Variants in XKR4 observed in about 807,000 individuals in gnomAD.
XKR4 encodes XK related 4.
A neutral mutation model predicts 53.9 loss-of-function variants in XKR4; 12 were observed. That is an observed-to-expected ratio of 0.22 (90% CI 0.14 to 0.36). The LOEUF (loss-of-function observed/expected upper bound fraction) is 0.36. Among genes scored for constraint, XKR4 ranks in the 10% least tolerant of loss-of-function variants. XKR4 has a pLI of 1.00. For synonymous variants in XKR4, 354 were observed against 362.4 expected (o/e 0.98, Z 0.26); for missense variants, 799 against 859.5 (o/e 0.93, Z 0.88).
intron 2 of XKR4, among the ~76,000 whole-genome samples, chr8:55,440,716 A>T (rs1805251875): frequency 6.6e-6 from 1 of 152,224 alleles, no homozygotes; most frequent in Non-Finnish European, 1.5e-5. Context: ...GTAGAGATAG[A>T]TATAAATATA....
chr8:55,289,128 G>T (rs1171314283), intron 1 of XKR4, among the ~76,000 whole-genome samples: 1 of 152,130 alleles, frequency 6.6e-6, no homozygotes, highest in East Asian at 1.9e-4. Flanking sequence ...AAACATTTAT[G>T]TATATTAGTA....
At chr8:55,304,173 T>A (rs564165342) in intron 1 of XKR4, among the ~76,000 whole-genome samples, 42 of 152,336 alleles carry the variant, frequency 2.8e-4, no homozygotes, top group African/African-American at 9.6e-4. Context: ...GCTTTGAATG[T>A]GTCCCAGAGA....
chr8:55,107,725 A>T (rs1816169421), intron 1 of XKR4, among the ~76,000 whole-genome samples: 1 of 152,162 alleles, frequency 6.6e-6, no homozygotes, highest in African/African-American at 2.4e-5. Flanking sequence ...ACTAAGGAGG[A>T]TATAGGTTAC....
intron 1 of XKR4, among the ~76,000 whole-genome samples, chr8:55,210,923 C>T (rs1817721818): frequency 6.6e-6 from 1 of 152,196 alleles, no homozygotes; most frequent in African/African-American, 2.4e-5. Context: ...TTACTCCATG[C>T]TACTTTGTTC....
chr8:55,408,567 C>T (rs1350322907), intron 2 of XKR4, among the ~76,000 whole-genome samples: 1 of 152,170 alleles, frequency 6.6e-6, no homozygotes, highest in Non-Finnish European at 1.5e-5. Context: ...AAGTCCAGAG[C>T]GTCAGGCAGA....
chr8:55,103,262 C>T lies in XKR4; in HGVS notation c.774C>T (p.Leu258=), dbSNP rs762545800. 5 of 1,611,220 alleles carry T rather than the reference C, an allele frequency of 3.1e-6. No individual in the cohort carries two copies. The highest frequency in any genetic ancestry group is 4.2e-6 in the Non-Finnish European group (5 of 1,177,912). The change falls in exon 1 of 3, where the codon CTC becomes CTT. Residue 258 remains leucine (L), a synonymous_variant. Transcript: ENST00000327381. The part of the protein sequence containing the change: ...CSFCIWLLQS[L]IHILQLGQIW... ...TCTGCATCTGGCTCCTGCAGTCACT[C>T]ATCCACATCTTGCAGCTCGGGCAAA... is the stretch of plus-strand genomic sequence containing the variant.
intron 2 of XKR4, among the ~76,000 whole-genome samples, chr8:55,378,816 C>T (rs1804188779): frequency 6.6e-6 from 1 of 152,202 alleles, no homozygotes; most frequent in Non-Finnish European, 1.5e-5. Context: ...ACTCAGTTTT[C>T]TCATCATCTA....
intron 1 of XKR4, among the ~76,000 whole-genome samples, chr8:55,263,654 C>A (rs1213597658): frequency 6.6e-6 from 1 of 152,198 alleles, no homozygotes; most frequent in East Asian, 1.9e-4. Flanking sequence ...CTAGTCCTTA[C>A]TGTATTCCAA....
chr8:55,104,728 C>T (rs1477489920), intron 1 of XKR4, among the ~76,000 whole-genome samples: 2 of 90,002 alleles, frequency 2.2e-5, no homozygotes, highest in Non-Finnish European at 4.5e-5. Flanking sequence ...GATATGTAGT[C>T]AGACAAATTG....
chr8:55,110,414 A>G (rs1245835365), intron 1 of XKR4, among the ~76,000 whole-genome samples: 1 of 152,150 alleles, frequency 6.6e-6, no homozygotes, highest in Non-Finnish European at 1.5e-5. Flanking sequence ...AAAAGAATAC[A>G]TACTCAGTGA....
At chr8:55,206,221 C>G (rs553251909) in intron 1 of XKR4, among the ~76,000 whole-genome samples, 1 of 151,858 alleles carries the variant, frequency 6.6e-6, no homozygotes, top group African/African-American at 2.4e-5. Context: ...GCCACTGGGG[C>G]TGGGTGGCCA....
At chr8:55,305,932 T>TA (rs1178136223) in intron 1 of XKR4, among the ~76,000 whole-genome samples, 1 of 152,192 alleles carries the variant, frequency 6.6e-6, no homozygotes, top group Non-Finnish European at 1.5e-5. Context: ...ACCATGTAAG[T>TA]AAAAGTTAGT....
chr8:55,230,202 G>A (rs1220800884), intron 1 of XKR4, among the ~76,000 whole-genome samples: 2 of 152,018 alleles, frequency 1.3e-5, no homozygotes, highest in Non-Finnish European at 2.9e-5. Context: ...TAAGGCAGTG[G>A]TTTCCCAGAA....
chr8:55,424,864 G>T (rs990515056), intron 2 of XKR4, among the ~76,000 whole-genome samples: 58 of 152,320 alleles, frequency 3.8e-4, no homozygotes, highest in African/African-American at 1.3e-3. Context: ...AGATCACAAA[G>T]CAGTGGACCA....
intron 1 of XKR4, among the ~76,000 whole-genome samples, chr8:55,156,618 G>T (rs1203460446): frequency 6.6e-6 from 1 of 152,148 alleles, no homozygotes; most frequent in Non-Finnish European, 1.5e-5. Context: ...GTATGGGATT[G>T]GGCATCCTAA....
At chr8:55,204,395 TC>T (rs1817616391) in intron 1 of XKR4, among the ~76,000 whole-genome samples, 1 of 152,240 alleles carries the variant, frequency 6.6e-6, no homozygotes, top group Admixed American at 6.5e-5. Flanking sequence ...TATAATTTTT[TC>T]TTTTAAATAA....
intron 2 of XKR4, among the ~76,000 whole-genome samples, chr8:55,462,924 A>T (rs545201394): frequency 3.9e-5 from 6 of 152,298 alleles, no homozygotes; most frequent in African/African-American, 1.4e-4. Flanking sequence ...AGAAGAACTA[A>T]CTATCCTAAA....
intron 2 of XKR4, chr8:55,454,229 G>A: frequency 8.8e-7 from 1 of 1,134,118 alleles, no homozygotes. Context: ...CTCAGGGATG[G>A]TCACCGTCTC....
chr8:55,353,977 G>GT (rs1803763153), intron 1 of XKR4, among the ~76,000 whole-genome samples: 2 of 152,160 alleles, frequency 1.3e-5, no homozygotes, highest in African/African-American at 4.8e-5. Flanking sequence ...TGCAAATATG[G>GT]TGACAATGGC....
Sources: gnomAD v4.1 joint callset for allele counts (sites outside exome capture counted in the v4.1 genomes callset) on GRCh38, gnomAD v4.1.1 for gene constraint, MANE v1.5 for transcripts, NCBI Gene and HGNC (gene_info 2026-07-23, HGNC 2026-07-21) for gene names.